Variants in SORCS1 observed in about 807,000 individuals in gnomAD.
SORCS1 encodes VPS10 domain-containing receptor SorCS1.
A neutral mutation model predicts 146.1 loss-of-function variants in SORCS1; 60 were observed. The ratio of observed to expected loss-of-function variants is 0.41; its 90% confidence interval spans 0.33 to 0.51. SORCS1 has a LOEUF of 0.51. SORCS1 is among the 20% of genes least tolerant of loss of function. SORCS1 has a pLI of 0.21. For synonymous variants in SORCS1, 637 were observed against 584.0 expected, an observed-to-expected ratio of 1.09 and a Z score of -1.31; for missense variants, 1,352 against 1,487.6, an observed-to-expected ratio of 0.91 and a Z score of 1.50.
At position 106,577,529 on chromosome 10, in the gene SORCS1, G is replaced by C; in HGVS notation, c.3398C>G (p.Ser1133Cys). 6.3e-7 allele frequency: 1 copy of C among 1,598,954 alleles called. No individual in the cohort carries two copies. The highest frequency in any genetic ancestry group is 2.3e-5 in the East Asian group (1 of 44,110). Residue 1133 changes from serine to cysteine, a missense_variant, in exon 26 of 26, where the codon TCC becomes TGC. By Grantham distance (112) the Ser-to-Cys change is moderately radical. Transcript: ENST00000263054. ...KRRVALPSPP[S>C]PSTQPGDSSL... ...TGAGTCACCAGGTTGAGTAGAAGGGGAGGGAGGGGAGGGTAAAGCTACTCT... is the reference window on the plus strand; with the variant it reads ...TGAGTCACCAGGTTGAGTAGAAGGGCAGGGAGGGGAGGGTAAAGCTACTCT...
At chr10:106,955,718 G>A (rs559169739) in intron 2 of SORCS1, among the ~76,000 whole-genome samples, 1 of 152,336 alleles carries the variant, frequency 6.6e-6, no homozygotes, top group South Asian at 2.1e-4. Flanking sequence ...CAGGCGCGGT[G>A]GCTCATGCCT....
intron 4 of SORCS1, among the ~76,000 whole-genome samples, chr10:106,762,383 A>ATT (rs1273170818): frequency 1.9e-4 from 21 of 112,864 alleles, no homozygotes; most frequent in South Asian, 6.1e-4. Flanking sequence ...CTTTTTTATT[A>ATT]TTCTTTTTTT....
intron 6 of SORCS1, among the ~76,000 whole-genome samples, chr10:106,728,145 CCT>C (rs1253446916): frequency 6.6e-6 from 1 of 152,030 alleles, no homozygotes; most frequent in Non-Finnish European, 1.5e-5. Context: ...GATTATCCTG[CCT>C]CCACCTCCCA....
chr10:106,767,013 G>T (rs1192340378), intron 4 of SORCS1, among the ~76,000 whole-genome samples: 1 of 152,202 alleles, frequency 6.6e-6, no homozygotes, highest in East Asian at 1.9e-4. Context: ...ACCCAGTTTG[G>T]CTGGGATACA....
At chr10:106,884,504 A>G (rs777227650) in intron 2 of SORCS1, among the ~76,000 whole-genome samples, 2 of 152,056 alleles carry the variant, frequency 1.3e-5, no homozygotes, top group South Asian at 2.1e-4. Context: ...TGTGCAATTG[A>G]TCTACATTTA....
intron 3 of SORCS1, among the ~76,000 whole-genome samples, chr10:106,811,041 A>G (rs895057241): frequency 6.6e-6 from 1 of 151,866 alleles, no homozygotes; most frequent in Admixed American, 6.6e-5. Context: ...CCTGGGTTCA[A>G]GCAATTCTCT....
At chr10:107,141,449 G>A (rs1423791031) in intron 1 of SORCS1, among the ~76,000 whole-genome samples, 1 of 151,924 alleles carries the variant, frequency 6.6e-6, no homozygotes, top group East Asian at 1.9e-4. Flanking sequence ...GAGCCCAGTG[G>A]GGATTATTGG....
intron 3 of SORCS1, among the ~76,000 whole-genome samples, chr10:106,820,214 A>G (rs1947946529): frequency 6.6e-6 from 1 of 152,172 alleles, no homozygotes. Context: ...AAACACACAT[A>G]CTGCCCCAAG....
chr10:106,733,463 C>T (rs922340675), intron 5 of SORCS1, among the ~76,000 whole-genome samples: 1 of 152,124 alleles, frequency 6.6e-6, no homozygotes, highest in East Asian at 1.9e-4. Context: ...TGTATAAGTG[C>T]TGATTTTAAC....
chr10:107,156,337 G>A (rs1443064627), intron 1 of SORCS1, among the ~76,000 whole-genome samples: 3 of 152,224 alleles, frequency 2.0e-5, no homozygotes, highest in African/African-American at 7.2e-5. Context: ...CCTTGAGCAA[G>A]TTGTTTAAGC....
chr10:106,639,338 T>C (rs1056690791), intron 18 of SORCS1, among the ~76,000 whole-genome samples: 2 of 152,202 alleles, frequency 1.3e-5, no homozygotes, highest in African/African-American at 4.8e-5. Context: ...GACTATTTCA[T>C]GAATCTAGCC....
intron 4 of SORCS1, among the ~76,000 whole-genome samples, chr10:106,765,854 T>C (rs1357855469): frequency 6.6e-6 from 1 of 152,102 alleles, no homozygotes; most frequent in Non-Finnish European, 1.5e-5. Context: ...TCAATATTCC[T>C]AAATCGGATC....
chr10:106,997,888 G>C (rs188966868), intron 1 of SORCS1, among the ~76,000 whole-genome samples: 1 of 152,206 alleles, frequency 6.6e-6, no homozygotes, highest in African/African-American at 2.4e-5. Flanking sequence ...CTCTCAAATG[G>C]CCACTTCCCC....
intron 1 of SORCS1, among the ~76,000 whole-genome samples, chr10:107,003,674 G>T (rs574395288): frequency 6.7e-4 from 102 of 152,018 alleles, no homozygotes; most frequent in African/African-American, 2.3e-3. Context: ...CTGCAGTGTC[G>T]GTCTAATTCT....
At chr10:106,586,709 G>T (rs1351794369) in intron 24 of SORCS1, among the ~76,000 whole-genome samples, 1 of 152,222 alleles carries the variant, frequency 6.6e-6, no homozygotes, top group African/African-American at 2.4e-5. Context: ...CAATCTCAAT[G>T]CTTTGAGAGG....
intron 8 of SORCS1, among the ~76,000 whole-genome samples, chr10:106,700,009 GA>G (rs1008765454): frequency 1.3e-5 from 2 of 152,156 alleles, no homozygotes; most frequent in African/African-American, 4.8e-5. Context: ...TCAGCCCTAA[GA>G]AAACATTCAC....
At chr10:106,782,464 A>C (rs1860970288) in intron 3 of SORCS1, among the ~76,000 whole-genome samples, 1 of 152,160 alleles carries the variant, frequency 6.6e-6, no homozygotes, top group Non-Finnish European at 1.5e-5. Flanking sequence ...TCAGTCCTTC[A>C]TATGTGTGTT....
intron 5 of SORCS1, among the ~76,000 whole-genome samples, chr10:106,732,691 C>T (rs896989686): frequency 3.3e-5 from 5 of 152,168 alleles, no homozygotes; most frequent in East Asian, 1.9e-4. Flanking sequence ...AAAATAATTA[C>T]GCTGGATTCA....
chr10:107,149,124 C>T (rs1011682474), intron 1 of SORCS1, among the ~76,000 whole-genome samples: 7 of 152,326 alleles, frequency 4.6e-5, no homozygotes, highest in Admixed American at 3.9e-4. Context: ...GGTAAGCCAG[C>T]CCTGAGAGCA....
Sources: allele counts gnomAD v4.1 joint callset (sites outside exome capture counted in the v4.1 genomes callset), GRCh38; gene constraint gnomAD v4.1.1; transcripts MANE v1.5; gene names NCBI Gene and HGNC (gene_info 2026-07-23, HGNC 2026-07-21).